SPOUT1: variants seen among roughly 807,000 people sequenced by gnomAD.
SPOUT1 encodes the protein SPOUT domain containing methyltransferase 1.
A neutral mutation model predicts 54.8 loss-of-function variants in SPOUT1; 40 were observed. That is an observed-to-expected ratio of 0.73 (90% CI 0.57 to 0.95). SPOUT1 has a LOEUF of 0.95. Among genes scored for constraint, SPOUT1 ranks in the 40% least tolerant of loss-of-function variants. The pLI is 0.00. For missense variants in SPOUT1, 437 were observed against 499.5 expected (o/e 0.87, Z 1.19); for synonymous variants, 193 against 200.3 (o/e 0.96, Z 0.31).
At position 128,822,275 on chromosome 9, in the gene SPOUT1, G is replaced by A. The variant is rs1162277140; in HGVS notation, c.*490C>T. 18 of 1,582,608 alleles carry A rather than the reference G, an allele frequency of 1.1e-5. No individual in the cohort carries two copies. The highest frequency in any genetic ancestry group is 1.5e-5 in the Non-Finnish European group (17 of 1,164,896). On this transcript the variant is annotated 3_prime_UTR_variant, in exon 12 of 12. Coordinates refer to ENST00000361256, the MANE Select transcript of SPOUT1 (RefSeq NM_016390.4). ...TCAGGGAAGGCTGCCTGGAAGAGGT[G>A]GCTTTGGGTTCATCCAGGCCCCCTG...
Position 128,826,751 on chromosome 9 carries a change from C to G in SPOUT1, c.369-122G>C. On this transcript the variant is annotated intron_variant, in intron 4 of 11. Coordinates refer to ENST00000361256, the MANE Select transcript of SPOUT1 (RefSeq NM_016390.4). The surrounding 1 kb of genome is among the most constrained non-coding windows in gnomAD (Gnocchi z 5.5). ...CTAAGGTGGGAGGATCATCTGAGTG[C>G]AGCAAGTAGAGGCTGCAGTGAGCCA... 1.3e-6 allele frequency: 1 copy of G among 750,432 alleles called. No individual in the cohort carries two copies. The highest frequency in any genetic ancestry group is 2.1e-6 in the Non-Finnish European group (1 of 465,486). 46.5% of individuals were successfully genotyped at this position (750,432 alleles called of 1,614,324 possible).
At chr9:128,828,394 G>A (rs557745745) in intron 3 of SPOUT1, among the ~76,000 whole-genome samples, 21 of 152,108 alleles carry the variant, frequency 1.4e-4, no homozygotes, top group Non-Finnish European at 8.8e-5. Context: ...TACTCGGGGG[G>A]CCGAGGGAGG....
chr9:128,822,450 G>T lies in SPOUT1; in HGVS notation c.*315C>A, dbSNP rs61737988. ...GCAGCAGGTGGGCAAATTGAGCTCC[G>T]CACCTACGTGATGCCCAACGCACCT... On this transcript the variant is annotated 3_prime_UTR_variant, in exon 12 of 12. Transcript: ENST00000361256. 2.0e-3 allele frequency: 3,203 copies of T among 1,585,460 alleles called. 9 individuals carry two copies. Among genetic ancestry groups the T allele is most frequent in the Middle Eastern group, 3.0e-3 (18 of 6,018 alleles).
intron 2 of SPOUT1, 49 bp from the exon 3 acceptor site, chr9:128,828,909 TG>T (rs1366511297): frequency 6.2e-7 from 1 of 1,612,190 alleles, no homozygotes; most frequent in Non-Finnish European, 8.5e-7. Flanking sequence ...TCCCACTCAT[TG>T]GGTCAGCCTG....
In SPOUT1 at chr9:128,820,745, C is replaced by T. The variant is rs1234858761; in HGVS notation, c.*2020G>A. 1.2e-6 allele frequency: 2 copies of T among 1,609,558 alleles called. No homozygotes were observed. The highest frequency in any genetic ancestry group is 1.7e-6 in the Non-Finnish European group (2 of 1,177,812). On this transcript the variant is annotated 3_prime_UTR_variant, in exon 12 of 12. Transcript: ENST00000361256. ...GCCCTATCTCTCCTACCAGGTGCCC[C>T]ACCTCAACCAGAATGCCTGGAACAA...
chr9:128,827,220 G>C, intron 3 of SPOUT1, 29 bp from the exon 4 acceptor site: 3 of 1,586,840 alleles, frequency 1.9e-6, no homozygotes, highest in Non-Finnish European at 2.6e-6. Flanking sequence ...TTCCCAGCCA[G>C]TGTGAGAGGC....
At position 128,826,766 on chromosome 9, in the gene SPOUT1, G is replaced by T; in HGVS notation, c.369-137C>A. 1 of 694,384 alleles carries T rather than the reference G, an allele frequency of 1.4e-6. No individual in the cohort carries two copies. Among genetic ancestry groups the T allele is most frequent in the South Asian group, 1.9e-5 (1 of 53,010 alleles). 43.0% of individuals were successfully genotyped at this position (694,384 alleles called of 1,614,324 possible). On this transcript the variant is annotated intron_variant, in intron 4 of 11. Coordinates refer to ENST00000361256, the MANE Select transcript of SPOUT1 (RefSeq NM_016390.4). This position sits in a 1 kb window ranked among gnomAD's most constrained non-coding sequence, Gnocchi z 5.5. The stretch of plus-strand genomic sequence containing the variant: ...CATCTGAGTGCAGCAAGTAGAGGCT[G>T]CAGTGAGCCATGACCATGCCACTGC...
chr9:128,825,118 T>A, intron 7 of SPOUT1, 69 bp from the exon 8 acceptor site: 1 of 1,242,270 alleles, frequency 8.0e-7, no homozygotes, highest in Non-Finnish European at 1.2e-6. Context: ...CTCTTCCAGA[T>A]GCCACCAGGG....
intron 7 of SPOUT1, among the ~76,000 whole-genome samples, chr9:128,825,385 G>A (rs1157565002): frequency 6.6e-6 from 1 of 151,930 alleles, no homozygotes; most frequent in African/African-American, 2.4e-5. Context: ...AGGCTGGAGT[G>A]CAGTGGCACG....
In SPOUT1 at chr9:128,822,380, C is replaced by A; in HGVS notation, c.*385G>T. 2 of 1,613,742 alleles carry A rather than the reference C, an allele frequency of 1.2e-6. No homozygotes were observed. The highest frequency in any genetic ancestry group is 2.7e-5 in the African/African-American group (2 of 75,060). ...AAAGTACCAGGTCATCGGCAAGAAC[C>A]ACGTGGCAGTGCCCACACACTTCTT... On this transcript the variant is annotated 3_prime_UTR_variant, in exon 12 of 12. Coordinates refer to ENST00000361256, the MANE Select transcript of SPOUT1 (RefSeq NM_016390.4).
chr9:128,820,535 G>A lies in SPOUT1; in HGVS notation c.*2230C>T. The A allele has an allele frequency of 1.7e-6, 1 of 576,410 alleles. No individual in the cohort carries two copies. The highest frequency in any genetic ancestry group is 3.1e-6 in the Non-Finnish European group (1 of 322,946). 35.7% of individuals were successfully genotyped at this position (576,410 alleles called of 1,614,324 possible). A position where few individuals can be genotyped will look rare whatever the true frequency, so the allele number is the denominator to read the frequency against. The stretch of plus-strand genomic sequence containing the variant: ...GAGAAAAGACTTTGACACCTGGGCT[G>A]TGGGAGGGACAGAGGGTGGTGGCTA... On this transcript the variant is annotated 3_prime_UTR_variant, in exon 12 of 12. Transcript: ENST00000361256.
chr9:128,820,973 G>C lies in SPOUT1; in HGVS notation c.*1792C>G. The C allele has an allele frequency of 1.2e-6, 1 of 849,460 alleles. No individual in the cohort carries two copies. The allele number at this position is 849,460 out of a possible 1,614,324, so 52.6% of individuals were successfully genotyped here. On this transcript the variant is annotated 3_prime_UTR_variant, in exon 12 of 12. Transcript: ENST00000361256. ...AGTTCCCTACTCATCTGGTTTCTTG[G>C]CAAGCCTGTCAGCTTCCCTGCCTCG...
At chr9:128,828,890 G>C in intron 2 of SPOUT1, 30 bp from the exon 3 acceptor site, 1 of 1,613,718 alleles carries the variant, frequency 6.2e-7, no homozygotes, top group East Asian at 2.2e-5. Context: ...AATTGGCCAA[G>C]GAGACAGTTC....
At chr9:128,825,979 G>T in intron 7 of SPOUT1, 43 bp downstream of exon 7, 1 of 1,612,234 alleles carries the variant, frequency 6.2e-7, no homozygotes, top group Non-Finnish European at 8.5e-7. Flanking sequence ...CATTGCCAGG[G>T]TGTGTCCTGG....
intron 11 of SPOUT1, among the ~76,000 whole-genome samples, chr9:128,823,343 C>T (rs955795191): frequency 3.3e-5 from 5 of 152,172 alleles, no homozygotes; most frequent in East Asian, 1.9e-4. Context: ...GAGGCCAGGA[C>T]GAAGGCTCCA....
At position 128,828,876 on chromosome 9, in the gene SPOUT1, T is replaced by C; in HGVS notation, c.83-16A>G. 6.2e-7 allele frequency: 1 copy of C among 1,613,986 alleles called. No individual in the cohort carries two copies. Among genetic ancestry groups the C allele is most frequent in the Non-Finnish European group, 8.5e-7 (1 of 1,179,946 alleles). On this transcript the variant is annotated splice_polypyrimidine_tract_variant and intron_variant, in intron 2 of 11. Coordinates refer to ENST00000361256, the MANE Select transcript of SPOUT1 (RefSeq NM_016390.4). ...TCCTCTTTCTCTGGATAAAAGAACATCCTAATTGGCCAAGGAGACAGTTCC... is the reference window on the plus strand; with the variant it reads ...TCCTCTTTCTCTGGATAAAAGAACACCCTAATTGGCCAAGGAGACAGTTCC...
intron 11 of SPOUT1, among the ~76,000 whole-genome samples, chr9:128,823,507 G>A (rs955436521): frequency 6.6e-6 from 1 of 152,182 alleles, no homozygotes; most frequent in African/African-American, 2.4e-5. Flanking sequence ...CGGAGCAGGG[G>A]TGGGCAGGGC....
In SPOUT1 at chr9:128,822,884, C is replaced by T. The variant is rs746978372; in HGVS notation, c.1063-51G>A. On this transcript the variant is annotated intron_variant, in intron 11 of 11. Transcript: ENST00000361256. ...TGGGGCCTGGGGGGCTAGCGGGTGCCCCCGCTCCCAGCCTGTCTTCAGTGC... is the reference window on the plus strand; with the variant it reads ...TGGGGCCTGGGGGGCTAGCGGGTGCTCCCGCTCCCAGCCTGTCTTCAGTGC... The T allele has an allele frequency of 1.3e-5, 18 of 1,383,902 alleles. No individual in the cohort carries two copies. The East Asian group carries it at 4.0e-4, about 31-fold the overall frequency. 85.7% of individuals were successfully genotyped at this position (1,383,902 alleles called of 1,614,324 possible). A position where few individuals can be genotyped will look rare whatever the true frequency, so the allele number is the denominator to read the frequency against.
chr9:128,822,160 G>C lies in SPOUT1; in HGVS notation c.*605C>G, dbSNP rs1830132441. 3 of 751,958 alleles carry C rather than the reference G, an allele frequency of 4.0e-6. No individual in the cohort carries two copies. Among genetic ancestry groups the C allele is most frequent in the East Asian group, 5.4e-5 (2 of 37,018 alleles). The allele number at this position is 751,958 out of a possible 1,614,324, so 46.6% of individuals were successfully genotyped here. A position where few individuals can be genotyped will look rare whatever the true frequency, so the allele number is the denominator to read the frequency against. On this transcript the variant is annotated 3_prime_UTR_variant, in exon 12 of 12. Coordinates refer to ENST00000361256, the MANE Select transcript of SPOUT1 (RefSeq NM_016390.4). ...GGGAAAGAGTTAACCACCCTGGAGA[G>C]AGTTCCAGCCTCAAGGAGGAGCCAG...
Sources: gnomAD v4.1 joint callset for allele counts (sites outside exome capture counted in the v4.1 genomes callset) on GRCh38, gnomAD v4.1.1 for gene constraint, Gnocchi (gnomAD v3.1) non-coding constraint, MANE v1.5 for transcripts, NCBI Gene and HGNC (gene_info 2026-07-23, HGNC 2026-07-21) for gene names.